BAZ2B: variants seen among roughly 807,000 people sequenced by gnomAD.
BAZ2B encodes the protein bromodomain adjacent to zinc finger domain protein 2B.
Under a neutral mutation model 246.0 loss-of-function variants are expected in BAZ2B, and 91 were observed. The ratio of observed to expected loss-of-function variants is 0.37; its 90% CI spans 0.31 to 0.44. The LOEUF (loss-of-function observed/expected upper bound fraction) is 0.44, where lower values mean the gene tolerates loss of function less well. Ranked by LOEUF, BAZ2B falls within the 20% of genes least tolerant of loss-of-function variation. The pLI is 1.00. For missense variants in BAZ2B, 2,332 were observed against 2,533.7 expected (o/e 0.92, Z 1.71); for synonymous variants, 855 against 860.0 (o/e 0.99, Z 0.10).
Position 159,412,344 on chromosome 2 carries a change from G to T in BAZ2B, c.2668C>A (p.Gln890Lys). The stretch of plus-strand genomic sequence containing the variant: ...ACATTATGTTTCTTACCTTGAGCTT[G>T]CAGTTTTCTTAGCAACTTTGCATCT... ...NADAKLLRKL[Q>K]AQEIARQAAQ... The change falls in exon 14 of 37, where the codon CAA becomes AAA. Residue 890 changes from glutamine to lysine, a missense_variant. Gln to Lys is a moderately conservative substitution (Grantham distance 53). Around this residue, in one of 9 missense-constraint regions of BAZ2B, gnomAD observed 651 missense variants for 650.9 expected, o/e 1.00. Coordinates refer to ENST00000392783, the MANE Select transcript of BAZ2B (RefSeq NM_013450.4). 1 of 1,614,000 alleles carries T rather than the reference G, an allele frequency of 6.2e-7. No individual in the cohort carries two copies. The highest frequency in any genetic ancestry group is 8.5e-7 in the Non-Finnish European group (1 of 1,179,902).
intron 1 of BAZ2B, among the ~76,000 whole-genome samples, chr2:159,560,045 G>C (rs1282379632): frequency 6.6e-6 from 1 of 152,102 alleles, no homozygotes; most frequent in Non-Finnish European, 1.5e-5. Flanking sequence ...TCAGCAATCA[G>C]CACGTACTAT....
chr2:159,485,608 A>T (rs1227442719), intron 2 of BAZ2B, among the ~76,000 whole-genome samples: 1 of 152,064 alleles, frequency 6.6e-6, no homozygotes, highest in African/African-American at 2.4e-5. Flanking sequence ...TCCCCTAAAT[A>T]CTAGTTTCCT....
In BAZ2B at chr2:159,455,762, GGTTTTTTTT is replaced by G. The variant is rs1375104952; in HGVS notation, c.146-1970_146-1962del. Among the ~76,000 whole-genome samples, 254 of 97,160 alleles carry G rather than the reference GGTTTTTTTT, an allele frequency of 2.6e-3. 3 individuals are homozygous for G. Among genetic ancestry groups the G allele is most frequent in the South Asian group, 3.9e-3 (11 of 2,806 alleles). 63.7% of individuals were successfully genotyped at this position (97,160 alleles called of 152,430 possible). On this transcript the variant is annotated intron_variant, in intron 3 of 36. Transcript: ENST00000392783. ...AGTGATAGGTTACCAGAAATATTGT[GGTTTTTTTT>G]TTTTTTTTTTTTTTTTTGGCAAATT...
chr2:159,641,229 C>T, the BAZ2B span, among the ~76,000 whole-genome samples: 2 of 152,162 alleles, frequency 1.3e-5, no homozygotes, highest in Admixed American at 1.3e-4. Context: ...TCACCAGCAT[C>T]TGTTATTTTT....
intron 1 of BAZ2B, among the ~76,000 whole-genome samples, chr2:159,576,531 TAAA>T (rs71406179): frequency 5.6e-5 from 8 of 142,968 alleles, no homozygotes; most frequent in Admixed American, 6.9e-5. Flanking sequence ...ATCAAAGGTT[TAAA>T]AAAAAAAAAA....
chr2:159,391,479 A>T (rs777785942), intron 20 of BAZ2B, among the ~76,000 whole-genome samples: 1 of 152,172 alleles, frequency 6.6e-6, no homozygotes, highest in Non-Finnish European at 1.5e-5. Context: ...CAGCAATTAT[A>T]AACATCATAA....
chr2:159,634,284 T>G, the BAZ2B span, among the ~76,000 whole-genome samples: 1 of 152,172 alleles, frequency 6.6e-6, no homozygotes, highest in Non-Finnish European at 1.5e-5. Context: ...TTAGAAAACT[T>G]TTTTGACTCA....
the BAZ2B span, among the ~76,000 whole-genome samples, chr2:159,674,305 A>G: frequency 2.7e-5 from 4 of 146,892 alleles, no homozygotes; most frequent in Admixed American, 7.0e-5. Flanking sequence ...ATTGCACTCC[A>G]GCCTGGGCAA....
chr2:159,433,239 T>C lies in BAZ2B; in HGVS notation c.1418A>G (p.Gln473Arg). The C allele has an allele frequency of 1.2e-6, 2 of 1,614,204 alleles. No individual in the cohort carries two copies. Among genetic ancestry groups the C allele is most frequent in the Non-Finnish European group, 1.7e-6 (2 of 1,180,024 alleles). Reference sequence around the variant, plus strand: ...ATTTGGGTGGTTGTTTTCTAATGTTTGTTTTGGATGTGCTGGTGAACTAGA... The same window carrying C: ...ATTTGGGTGGTTGTTTTCTAATGTTCGTTTTGGATGTGCTGGTGAACTAGA... ...ATSSSPAHPK[Q>R]TLENNHPNPF... Residue 473 changes from glutamine to arginine, a missense_variant, in exon 9 of 37, where the codon CAA (glutamine) becomes CGA (arginine). Coordinates refer to ENST00000392783, the MANE Select transcript of BAZ2B (RefSeq NM_013450.4).
intron 23 of BAZ2B, among the ~76,000 whole-genome samples, chr2:159,384,784 C>T (rs1371593676): frequency 2.0e-5 from 3 of 152,074 alleles, no homozygotes; most frequent in Non-Finnish European, 4.4e-5. Context: ...AGGTAGTCAT[C>T]TGTCCTTAAA....
intron 1 of BAZ2B, among the ~76,000 whole-genome samples, chr2:159,593,942 G>A (rs1578742436): frequency 6.6e-6 from 1 of 152,090 alleles, no homozygotes; most frequent in Admixed American, 6.6e-5. Flanking sequence ...ATTAGAGATC[G>A]AGCACATACT....
At chr2:159,601,003 C>A (rs1220926252) in intron 1 of BAZ2B, among the ~76,000 whole-genome samples, 1 of 152,174 alleles carries the variant, frequency 6.6e-6, no homozygotes, top group African/African-American at 2.4e-5. Flanking sequence ...TCCTCCCACT[C>A]ACATCTTCAG....
intron 8 of BAZ2B, among the ~76,000 whole-genome samples, chr2:159,435,874 T>C (rs1277552756): frequency 1.3e-5 from 2 of 152,242 alleles, no homozygotes; most frequent in Non-Finnish European, 1.5e-5. Flanking sequence ...ACATCTATAC[T>C]GTATTAGTTT....
chr2:159,649,054 G>A, the BAZ2B span, among the ~76,000 whole-genome samples: 8 of 151,964 alleles, frequency 5.3e-5, no homozygotes, highest in Non-Finnish European at 7.4e-5. Flanking sequence ...ATATTAATTT[G>A]CATTTCTCTA....
chr2:159,413,171 A>G (rs1379562304), intron 13 of BAZ2B, among the ~76,000 whole-genome samples: 1 of 152,168 alleles, frequency 6.6e-6, no homozygotes, highest in Non-Finnish European at 1.5e-5. Flanking sequence ...ACAAAAATCA[A>G]ACCTGGATTT....
intron 13 of BAZ2B, among the ~76,000 whole-genome samples, chr2:159,427,044 C>T (rs548969389): frequency 2.6e-5 from 4 of 152,026 alleles, no homozygotes; most frequent in Non-Finnish European, 4.4e-5. Flanking sequence ...TTTAATCTTG[C>T]CATAATCCTA....
intron 3 of BAZ2B, chr2:159,462,826 A>G (rs1476720207): frequency 9.7e-6 from 15 of 1,548,684 alleles, no homozygotes; most frequent in East Asian, 9.0e-5. Context: ...TTTTTAGCAT[A>G]AACAGTACAG....
intron 13 of BAZ2B, among the ~76,000 whole-genome samples, chr2:159,421,846 G>T (rs1274505985): frequency 6.6e-6 from 1 of 152,082 alleles, no homozygotes. Context: ...AAACCCTAAA[G>T]ACTTTCACAA....
Position 159,325,681 on chromosome 2 carries a change from C to G in BAZ2B, c.6181G>C (p.Asp2061His). ...SFTSVKKPKRDDSKDLALCSM... is the reference protein window; with the variant it reads ...SFTSVKKPKRHDSKDLALCSM... ...CAAAGAGCTAGGTCCTTGGAGTCAT[C>G]TCTTTTAGGTTTCTTAACTGAAGTA... Residue 2061 changes from aspartate to histidine, a missense_variant, in exon 35 of 37, where the codon GAT becomes CAT. Asp to His is a moderately conservative substitution (Grantham distance 81). Around this residue, in one of 9 missense-constraint regions of BAZ2B, gnomAD observed 210 missense variants for 232.5 expected, o/e 0.90. Coordinates refer to ENST00000392783, the MANE Select transcript of BAZ2B (RefSeq NM_013450.4). 6.3e-7 allele frequency: 1 copy of G among 1,591,698 alleles called. No individual in the cohort carries two copies. Among genetic ancestry groups the G allele is most frequent in the Non-Finnish European group, 8.5e-7 (1 of 1,175,034 alleles).
Sources: gnomAD v4.1 joint callset for allele counts (sites outside exome capture counted in the v4.1 genomes callset) on GRCh38, gnomAD v4.1.1 for gene constraint, gnomAD v4.1.1 regional missense constraint, MANE v1.5 for transcripts, NCBI Gene and HGNC (gene_info 2026-07-23, HGNC 2026-07-21) for gene names.